Variants in CNTNAP2 observed in about 807,000 individuals in gnomAD.
CNTNAP2 encodes the protein contactin-associated protein-like 2.
In CNTNAP2, 98 loss-of-function variants were observed where a neutral mutation model predicts 155.2. That is an observed-to-expected ratio of 0.63 (90% CI 0.54 to 0.75). The LOEUF is 0.75. Ranked by LOEUF, CNTNAP2 falls within the 30% of genes least tolerant of loss-of-function variation. CNTNAP2 has a pLI of 0.00. For synonymous variants in CNTNAP2, 651 were observed against 631.2 expected (o/e 1.03, Z -0.47); for missense variants, 1,727 against 1,688.1 (o/e 1.02, Z -0.40).
intron 8 of CNTNAP2, among the ~76,000 whole-genome samples, chr7:147,156,157 C>G (rs536366026): frequency 4.3e-4 from 65 of 152,212 alleles, no homozygotes; most frequent in African/African-American, 1.5e-3. Context: ...TCATACCCAG[C>G]ATCACAAAGC....
At chr7:146,433,688 GA>G (rs1796203358) in intron 1 of CNTNAP2, among the ~76,000 whole-genome samples, 1 of 152,252 alleles carries the variant, frequency 6.6e-6, no homozygotes, top group Admixed American at 6.5e-5. Context: ...TCTCTATACA[GA>G]TGGTCCCTCA....
At chr7:146,355,823 C>T (rs1336696913) in intron 1 of CNTNAP2, among the ~76,000 whole-genome samples, 1 of 151,948 alleles carries the variant, frequency 6.6e-6, no homozygotes, top group Non-Finnish European at 1.5e-5. Flanking sequence ...TGTCTATTGA[C>T]CCAACTGGTA....
chr7:147,993,963 T>C (rs1173366248), intron 15 of CNTNAP2, among the ~76,000 whole-genome samples: 1 of 151,962 alleles, frequency 6.6e-6, no homozygotes, highest in Non-Finnish European at 1.5e-5. Context: ...AGTAATATAG[T>C]CTCTACTATT....
intron 5 of CNTNAP2, among the ~76,000 whole-genome samples, chr7:147,114,511 A>G (rs979534235): frequency 2.0e-5 from 3 of 152,180 alleles, no homozygotes; most frequent in East Asian, 1.9e-4. Context: ...GGGTGCATAT[A>G]TATTTATGAT....
chr7:147,232,055 G>GA (rs1803692986), intron 8 of CNTNAP2, among the ~76,000 whole-genome samples: 1 of 152,040 alleles, frequency 6.6e-6, no homozygotes. Context: ...CAGAAAATAA[G>GA]AAAATGATCC....
chr7:147,404,150 A>G (rs1023983170), intron 10 of CNTNAP2, among the ~76,000 whole-genome samples: 13 of 152,176 alleles, frequency 8.5e-5, no homozygotes, highest in African/African-American at 3.1e-4. Context: ...TAAGAGGTAA[A>G]GGGGGCAGAA....
intron 10 of CNTNAP2, among the ~76,000 whole-genome samples, chr7:147,427,869 T>G (rs2116521887): frequency 6.6e-6 from 1 of 152,274 alleles, no homozygotes; most frequent in Non-Finnish European, 1.5e-5. Flanking sequence ...AACTGTTTGT[T>G]TATGATGGCT....
intron 13 of CNTNAP2, among the ~76,000 whole-genome samples, chr7:147,864,280 G>T (rs1030656736): frequency 6.6e-6 from 1 of 152,092 alleles, no homozygotes; most frequent in Non-Finnish European, 1.5e-5. Flanking sequence ...CTGTTCCATT[G>T]GTCTATATAT....
At chr7:147,325,804 T>C (rs2692136) in intron 9 of CNTNAP2, among the ~76,000 whole-genome samples, 115,865 of 152,184 alleles carry the variant, frequency 0.76, 44,986 homozygotes, top group African/African-American at 0.93. Flanking sequence ...CCTTGTTATA[T>C]GACCATCATC....
Position 148,405,420 on chromosome 7 carries a change from A to ATTTTTTTTTTTTTTTTTTT in CNTNAP2, c.3716-3963_3716-3945dup, listed in dbSNP as rs36020816. Among the ~76,000 whole-genome samples, 261 of 64,298 alleles carry ATTTTTTTTTTTTTTTTTTT rather than the reference A, an allele frequency of 4.1e-3. 46 individuals are homozygous for ATTTTTTTTTTTTTTTTTTT. Among genetic ancestry groups the ATTTTTTTTTTTTTTTTTTT allele is most frequent in the Middle Eastern group, 9.4e-3 (1 of 106 alleles). 42.2% of individuals were successfully genotyped at this position (64,298 alleles called of 152,430 possible). A position where few individuals can be genotyped will look rare whatever the true frequency, so the allele number is the denominator to read the frequency against. Reference sequence around the variant, plus strand: ...TCAAGGGAACCAGATTACCATTGTAATTTTTTTTTTTTTTTTTTTTTTTTT... The same window carrying ATTTTTTTTTTTTTTTTTTT: ...TCAAGGGAACCAGATTACCATTGTAATTTTTTTTTTTTTTTTTTTTTTTTTTTTTTTTTTTTTTTTTTTT... On this transcript the variant is annotated intron_variant, in intron 22 of 23. Coordinates refer to ENST00000361727, the MANE Select transcript of CNTNAP2 (RefSeq NM_014141.6).
chr7:147,633,049 A>T (rs1029789945), intron 12 of CNTNAP2, among the ~76,000 whole-genome samples: 1 of 152,214 alleles, frequency 6.6e-6, no homozygotes, highest in Non-Finnish European at 1.5e-5. Context: ...AGGCTGCAGA[A>T]ATTTGCACAA....
chr7:147,522,043 G>A (rs1799237530), intron 11 of CNTNAP2, among the ~76,000 whole-genome samples: 1 of 152,186 alleles, frequency 6.6e-6, no homozygotes, highest in African/African-American at 2.4e-5. Flanking sequence ...TTCTGATGAG[G>A]GTCCCCTACT....
chr7:147,428,534 A>G (rs770160623), intron 10 of CNTNAP2, among the ~76,000 whole-genome samples: 5 of 152,178 alleles, frequency 3.3e-5, no homozygotes, highest in Non-Finnish European at 5.9e-5. Flanking sequence ...GATTCAATTT[A>G]TAGTTGACCT....
chr7:147,310,128 C>T (rs1795096152), intron 9 of CNTNAP2, among the ~76,000 whole-genome samples: 1 of 152,016 alleles, frequency 6.6e-6, no homozygotes, highest in Admixed American at 6.6e-5. Context: ...TTTTTTATAG[C>T]TCCCACAAGT....
At chr7:147,559,679 A>T (rs1800021573) in intron 11 of CNTNAP2, among the ~76,000 whole-genome samples, 1 of 152,158 alleles carries the variant, frequency 6.6e-6, no homozygotes, top group Non-Finnish European at 1.5e-5. Context: ...CTAAGAGGAA[A>T]ACTAGAATTT....
At chr7:146,726,155 C>G (rs189364) in intron 1 of CNTNAP2, among the ~76,000 whole-genome samples, 46,917 of 152,054 alleles carry the variant, frequency 0.31, 13,547 homozygotes, top group African/African-American at 0.77. Context: ...AAGGTATTCT[C>G]TACAGTGTAT....
chr7:147,398,993 T>A (rs1796868526), intron 10 of CNTNAP2, among the ~76,000 whole-genome samples: 1 of 151,932 alleles, frequency 6.6e-6, no homozygotes, highest in Non-Finnish European at 1.5e-5. Flanking sequence ...TTGACCAGGA[T>A]AAGCCTCCGT....
At chr7:146,975,621 T>C (rs1195947968) in intron 3 of CNTNAP2, among the ~76,000 whole-genome samples, 2 of 152,118 alleles carry the variant, frequency 1.3e-5, no homozygotes, top group Non-Finnish European at 2.9e-5. Flanking sequence ...GAAACTAAGA[T>C]GTTTTACCCC....
intron 21 of CNTNAP2, among the ~76,000 whole-genome samples, chr7:148,307,536 T>C (rs562777543): frequency 6.6e-6 from 1 of 152,232 alleles, no homozygotes; most frequent in Non-Finnish European, 1.5e-5. Context: ...TCATGATTTG[T>C]TCTTACACCT....
Sources: allele counts gnomAD v4.1 joint callset (sites outside exome capture counted in the v4.1 genomes callset), GRCh38; gene constraint gnomAD v4.1.1; transcripts MANE v1.5; gene names NCBI Gene and HGNC (gene_info 2026-07-23, HGNC 2026-07-21).